The following SMOC2 variants were observed in gnomAD, a reference collection of about 807,000 sequenced individuals.
SMOC2 encodes SPARC related modular calcium binding 2.
A neutral mutation model predicts 61.4 loss-of-function variants in SMOC2; 39 were observed. That is an observed-to-expected ratio of 0.64 (90% CI 0.49 to 0.83). SMOC2 has a LOEUF of 0.83. SMOC2 is among the 40% of genes least tolerant of loss of function. SMOC2 has a pLI of 0.00. For synonymous variants in SMOC2, 247 were observed against 239.9 expected, an observed-to-expected ratio of 1.03 and a Z score of -0.27; for missense variants, 556 against 592.9, an observed-to-expected ratio of 0.94 and a Z score of 0.65.
At chr6:168,509,160 A>T (rs1782948637) in intron 1 of SMOC2, among the ~76,000 whole-genome samples, 1 of 152,120 alleles carries the variant, frequency 6.6e-6, no homozygotes, top group African/African-American at 2.4e-5. Flanking sequence ...TGAGCTCCGA[A>T]GTCTGTGTCA....
chr6:168,448,540 G>A (rs114850109), intron 1 of SMOC2, among the ~76,000 whole-genome samples: 4,872 of 148,832 alleles, frequency 0.033, 180 homozygotes, highest in East Asian at 0.13. Flanking sequence ...TGAGGATGGG[G>A]AGGAGGACGG....
rs577743691 is a variant in SMOC2 at position 168,586,265 on chromosome 6, T to C, written c.638-12553T>C. ...GCTTCCCTTTCTTATTGAATTGTTTTGGTGCCTCATCAAATATCAATTGAA... is the reference window on the plus strand; with the variant it reads ...GCTTCCCTTTCTTATTGAATTGTTTCGGTGCCTCATCAAATATCAATTGAA... On this transcript the variant is annotated intron_variant, in intron 7 of 12. Transcript: ENST00000356284. 2.6e-5 allele frequency among the ~76,000 whole-genome samples: 4 copies of C among 152,338 alleles called. No homozygotes were observed. In the East Asian group the frequency reaches 7.7e-4, roughly 29 times the overall value.
At chr6:168,596,810 C>T (rs1051450990) in intron 7 of SMOC2, among the ~76,000 whole-genome samples, 4 of 152,180 alleles carry the variant, frequency 2.6e-5, no homozygotes, top group African/African-American at 9.7e-5. Flanking sequence ...TACTATAACC[C>T]AGAGGTAGGT....
intron 9 of SMOC2, among the ~76,000 whole-genome samples, chr6:168,628,823 C>T (rs16887223): frequency 0.024 from 3,672 of 152,312 alleles, 282 homozygotes; most frequent in Admixed American, 0.16. Flanking sequence ...GGTGCCCCGC[C>T]GGAGAATGAA....
intron 4 of SMOC2, among the ~76,000 whole-genome samples, chr6:168,531,781 T>G (rs953520253): frequency 2.6e-5 from 4 of 152,226 alleles, no homozygotes; most frequent in African/African-American, 9.6e-5. Flanking sequence ...TCTCTGTGCT[T>G]GGAAGTGGCA....
intron 2 of SMOC2, among the ~76,000 whole-genome samples, chr6:168,513,182 G>C (rs1783049264): frequency 6.6e-6 from 1 of 152,160 alleles, no homozygotes. Context: ...TGGTGGTAGG[G>C]AAAATAGAAT....
rs1335962494 is a variant in SMOC2, at chr6:168,653,105, T to TG, written c.1163dup (p.Cys388TrpfsTer7). On this transcript the variant is annotated frameshift_variant, in exon 11 of 13. Coordinates refer to ENST00000356284, the MANE Select transcript of SMOC2 (RefSeq NM_001166412.2). LOFTEE classifies it high-confidence loss of function. ...TCGCAAAAAATCAAAGCCCAAAAAA[T>TG]GTGTGAAGAAGTTTGTTGAATACTG... 6.2e-7 allele frequency: 1 copy of TG among 1,614,102 alleles called. No homozygotes were observed. The highest frequency in any genetic ancestry group is 1.7e-5 in the Admixed American group (1 of 60,012).
chr6:168,518,543 G>T (rs571351300), intron 2 of SMOC2, among the ~76,000 whole-genome samples: 13 of 151,748 alleles, frequency 8.6e-5, no homozygotes, highest in Non-Finnish European at 1.8e-4. Context: ...GTGAGAGCGT[G>T]TGTATGCTTG....
chr6:168,599,760 TC>T (rs140201296), intron 8 of SMOC2, among the ~76,000 whole-genome samples: 1 of 71,894 alleles, frequency 1.4e-5, no homozygotes, highest in Non-Finnish European at 2.5e-5. Flanking sequence ...ACTCATACAA[TC>T]CCCCAAACAC....
At chr6:168,595,456 C>A (rs1481143256) in intron 7 of SMOC2, among the ~76,000 whole-genome samples, 1 of 152,208 alleles carries the variant, frequency 6.6e-6, no homozygotes, top group Non-Finnish European at 1.5e-5. Context: ...GAGAACCACC[C>A]CCGTCAGCTC....
At chr6:168,558,038 G>A (rs963114161) in intron 7 of SMOC2, among the ~76,000 whole-genome samples, 4 of 152,282 alleles carry the variant, frequency 2.6e-5, no homozygotes, top group Middle Eastern at 3.4e-3. Context: ...GAGAGGCCCC[G>A]TGGCACACAC....
At chr6:168,508,927 A>G (rs1342222719) in intron 1 of SMOC2, among the ~76,000 whole-genome samples, 2 of 152,176 alleles carry the variant, frequency 1.3e-5, no homozygotes, top group Non-Finnish European at 2.9e-5. Flanking sequence ...GGCAGGTGAT[A>G]GTCTGGGGAC....
At chr6:168,503,149 G>A (rs184610457) in intron 1 of SMOC2, among the ~76,000 whole-genome samples, 1 of 130,680 alleles carries the variant, frequency 7.7e-6, no homozygotes, top group Admixed American at 9.7e-5. Context: ...CGCAATCTCT[G>A]CTCACTGCAA....
At chr6:168,517,428 C>T (rs938653359) in intron 2 of SMOC2, among the ~76,000 whole-genome samples, 4 of 152,222 alleles carry the variant, frequency 2.6e-5, no homozygotes, top group Admixed American at 6.5e-5. Context: ...GAAAGCCAGG[C>T]GGCTTCACGT....
Position 168,553,201 on chromosome 6 carries a change from C to G in SMOC2, c.637+3998C>G, listed in dbSNP as rs888982588. Among the ~76,000 whole-genome samples, 1 of 152,138 alleles carries G rather than the reference C, an allele frequency of 6.6e-6. No homozygotes were observed. The highest frequency in any genetic ancestry group is 2.4e-5 in the African/African-American group (1 of 41,420). ...GGCTCATTTAGTAAGAAAATCATCA[C>G]TTTCATCATGTGAATCATATACATT... On this transcript the variant is annotated intron_variant, in intron 7 of 12. Transcript: ENST00000356284. This position sits in a 1 kb window ranked among gnomAD's most constrained non-coding sequence, Gnocchi z 4.2.
chr6:168,504,500 T>C (rs1782816507), intron 1 of SMOC2, among the ~76,000 whole-genome samples: 1 of 151,640 alleles, frequency 6.6e-6, no homozygotes, highest in African/African-American at 2.4e-5. Context: ...GGGTTCACAC[T>C]GCTGTGAGAA....
chr6:168,497,575 G>T (rs1027866105), intron 1 of SMOC2, among the ~76,000 whole-genome samples: 7 of 152,146 alleles, frequency 4.6e-5, no homozygotes, highest in Non-Finnish European at 8.8e-5. Context: ...GGGGAAGCAG[G>T]TTCCTAGGAG....
At chr6:168,501,517 G>A (rs1012422710) in intron 1 of SMOC2, among the ~76,000 whole-genome samples, 11 of 152,010 alleles carry the variant, frequency 7.2e-5, no homozygotes, top group Admixed American at 3.3e-4. Flanking sequence ...TCTGTCCCTC[G>A]CTATGGGGCC....
At chr6:168,534,961 A>T in intron 4 of SMOC2, among the ~76,000 whole-genome samples, 1 of 151,774 alleles carries the variant, frequency 6.6e-6, no homozygotes, top group East Asian at 1.9e-4. Context: ...TAGAGATTTT[A>T]TTTTTATTTA....
Sources: allele counts gnomAD v4.1 joint callset (sites outside exome capture counted in the v4.1 genomes callset), GRCh38; gene constraint gnomAD v4.1.1; non-coding constraint Gnocchi (gnomAD v3.1); transcripts MANE v1.5; gene names NCBI Gene and HGNC (gene_info 2026-07-23, HGNC 2026-07-21).